APP: variants seen among roughly 807,000 people sequenced by gnomAD.
The protein encoded by APP is amyloid beta precursor protein.
APP carries 31 observed loss-of-function variants against 101.4 expected under a neutral mutation model. The ratio of observed to expected loss-of-function variants is 0.31; its 90% CI spans 0.23 to 0.41. APP has a LOEUF of 0.41. Ranked by LOEUF, APP falls within the 10% of genes least tolerant of loss-of-function variation. The pLI is 1.00. For missense variants in APP, 839 were observed against 1,003.7 expected (o/e 0.84, Z 2.22); for synonymous variants, 366 against 364.4 (o/e 1.00, Z -0.05).
intron 1 of APP, among the ~76,000 whole-genome samples, chr21:26,135,720 CT>C (rs1233957843): frequency 6.6e-6 from 1 of 152,176 alleles, no homozygotes; most frequent in Non-Finnish European, 1.5e-5. Flanking sequence ...ACCTGCCTTT[CT>C]CTCTCATCAT....
chr21:25,940,677 G>A (rs1347491571), intron 13 of APP, among the ~76,000 whole-genome samples: 1 of 152,034 alleles, frequency 6.6e-6, no homozygotes, highest in African/African-American at 2.4e-5. Context: ...CATTTTTGTG[G>A]CATACAATTT....
intron 11 of APP, among the ~76,000 whole-genome samples, chr21:25,972,020 A>C (rs2042049489): frequency 6.6e-6 from 1 of 152,268 alleles, no homozygotes; most frequent in Non-Finnish European, 1.5e-5. Flanking sequence ...AAAATGATAC[A>C]GGGAAATGCC....
intron 1 of APP, among the ~76,000 whole-genome samples, chr21:26,148,967 A>C (rs2063208444): frequency 6.6e-6 from 1 of 152,232 alleles, no homozygotes; most frequent in Non-Finnish European, 1.5e-5. Flanking sequence ...TCCAACATCC[A>C]CACTCAGAAC....
intron 6 of APP, among the ~76,000 whole-genome samples, chr21:26,010,086 A>C (rs1235704737): frequency 1.3e-5 from 2 of 152,096 alleles, no homozygotes; most frequent in Non-Finnish European, 2.9e-5. Flanking sequence ...TCTTGTCACA[A>C]TCTCTAGCAG....
intron 4 of APP, 95 bp from the exon 5 acceptor site, chr21:26,051,288 T>C: frequency 8.1e-7 from 1 of 1,241,430 alleles, no homozygotes; most frequent in Non-Finnish European, 1.2e-6. Context: ...AGACCCAATA[T>C]ATTAGGAACC....
At chr21:25,918,293 G>A (rs1297105520) in intron 13 of APP, among the ~76,000 whole-genome samples, 3 of 152,170 alleles carry the variant, frequency 2.0e-5, no homozygotes, top group Non-Finnish European at 4.4e-5. Context: ...GTCCATCAAC[G>A]ATAGACTGGA....
At chr21:26,018,944 T>C (rs2044215869) in intron 6 of APP, among the ~76,000 whole-genome samples, 1 of 152,200 alleles carries the variant, frequency 6.6e-6, no homozygotes, top group African/African-American at 2.4e-5. Context: ...TAATATCAAA[T>C]AATACTACCT....
At chr21:25,968,968 T>C (rs1441262640) in intron 11 of APP, among the ~76,000 whole-genome samples, 1 of 152,178 alleles carries the variant, frequency 6.6e-6, no homozygotes, top group Non-Finnish European at 1.5e-5. Context: ...GAAATATTTA[T>C]GTATGACTCC....
intron 1 of APP, among the ~76,000 whole-genome samples, chr21:26,169,714 A>G (rs1469619989): frequency 6.6e-6 from 1 of 152,084 alleles, no homozygotes; most frequent in Non-Finnish European, 1.5e-5. Context: ...CACTGAGACT[A>G]ACGCGGCTCG....
At chr21:25,979,514 T>C (rs966140087) in intron 9 of APP, among the ~76,000 whole-genome samples, 2 of 152,130 alleles carry the variant, frequency 1.3e-5, no homozygotes, top group African/African-American at 4.8e-5. Flanking sequence ...AAGATACATA[T>C]TGATTTCAGG....
chr21:26,133,403 T>C (rs1458953994), intron 1 of APP, among the ~76,000 whole-genome samples: 1 of 152,250 alleles, frequency 6.6e-6, no homozygotes, highest in Non-Finnish European at 1.5e-5. Flanking sequence ...AATGTCTGAA[T>C]TATTCACAAT....
At chr21:25,906,978 G>A (rs2146303061) in intron 14 of APP, among the ~76,000 whole-genome samples, 1 of 152,282 alleles carries the variant, frequency 6.6e-6, no homozygotes, top group Middle Eastern at 3.4e-3. Context: ...CACTGCTAAT[G>A]TCACCACTTA....
intron 11 of APP, among the ~76,000 whole-genome samples, chr21:25,970,630 G>T (rs949726472): frequency 9.9e-5 from 15 of 152,134 alleles, no homozygotes; most frequent in African/African-American, 3.6e-4. Context: ...AAATGAAAAC[G>T]CTAATATGAA....
chr21:26,111,790 A>G (rs933881165), intron 2 of APP, among the ~76,000 whole-genome samples, 189 bp downstream of exon 2: 1 of 152,190 alleles, frequency 6.6e-6, no homozygotes, highest in Admixed American at 6.5e-5. Context: ...ACGACATCAT[A>G]ATTTTAAAAA....
intron 2 of APP, among the ~76,000 whole-genome samples, chr21:26,108,742 G>A (rs61354956): frequency 0.017 from 2,553 of 151,964 alleles, 77 homozygotes; most frequent in African/African-American, 0.057. Flanking sequence ...AAAAAATCCC[G>A]GCGTGGTGGC....
intron 15 of APP, chr21:25,898,023 G>T: frequency 6.4e-6 from 2 of 313,012 alleles, no homozygotes; most frequent in East Asian, 1.6e-4. Context: ...CGGGCTTATT[G>T]TTTAGCCTAT....
chr21:26,086,308 A>AC (rs2061701411), intron 3 of APP, among the ~76,000 whole-genome samples: 1 of 152,218 alleles, frequency 6.6e-6, no homozygotes. Flanking sequence ...AAGGGAAATT[A>AC]TCCACTCCAT....
chr21:25,963,274 A>G (rs1264342528), intron 11 of APP, among the ~76,000 whole-genome samples: 2 of 152,222 alleles, frequency 1.3e-5, no homozygotes, highest in Non-Finnish European at 2.9e-5. Flanking sequence ...CTGAATATGT[A>G]GCTTATTACT....
At chr21:26,025,712 C>G (rs2044540188) in intron 5 of APP, among the ~76,000 whole-genome samples, 2 of 152,202 alleles carry the variant, frequency 1.3e-5, no homozygotes. Flanking sequence ...TCTGCCTGAG[C>G]AATTTACTGG....
Sources: allele counts gnomAD v4.1 joint callset (sites outside exome capture counted in the v4.1 genomes callset), GRCh38; gene constraint gnomAD v4.1.1; transcripts MANE v1.5; gene names NCBI Gene and HGNC (gene_info 2026-07-23, HGNC 2026-07-21).